Variants in DACH1 observed in about 807,000 individuals in gnomAD.
DACH1 encodes dachshund homolog 1.
In DACH1, 12 loss-of-function variants were observed where a neutral mutation model predicts 54.2. The observed-to-expected ratio is 0.22, with a 90% CI of 0.14 to 0.36. The LOEUF (loss-of-function observed/expected upper bound fraction) is 0.36. DACH1 is among the 10% of genes least tolerant of loss of function. The pLI, the probability that DACH1 is intolerant of heterozygous loss-of-function variation, is 1.00. For synonymous variants in DACH1, 386 were observed against 366.2 expected (o/e 1.05, Z -0.62); for missense variants, 805 against 929.8 (o/e 0.87, Z 1.75).
chr13:71,530,077 C>T (rs150400122), intron 6 of DACH1, among the ~76,000 whole-genome samples: 2 of 152,070 alleles, frequency 1.3e-5, no homozygotes, highest in East Asian at 3.9e-4. Context: ...GAAATAAACA[C>T]AAAATAATTG....
intron 1 of DACH1, among the ~76,000 whole-genome samples, chr13:71,832,654 A>G (rs772814441): frequency 6.6e-6 from 1 of 151,896 alleles, no homozygotes; most frequent in Non-Finnish European, 1.5e-5. Context: ...GTTATTATAG[A>G]AGAGGAACTT....
intron 6 of DACH1, among the ~76,000 whole-genome samples, chr13:71,518,005 T>C (rs1304998221): frequency 6.6e-6 from 1 of 151,864 alleles, no homozygotes; most frequent in Non-Finnish European, 1.5e-5. Flanking sequence ...TAACACCAAC[T>C]ACTCTACCTC....
At chr13:71,596,408 C>G (rs1398066831) in intron 3 of DACH1, among the ~76,000 whole-genome samples, 2 of 152,122 alleles carry the variant, frequency 1.3e-5, no homozygotes, top group African/African-American at 4.8e-5. Context: ...GATACCATGG[C>G]ATTTATACAC....
intron 2 of DACH1, among the ~76,000 whole-genome samples, chr13:71,662,850 T>C (rs1374676190): frequency 1.3e-5 from 2 of 151,978 alleles, no homozygotes; most frequent in African/African-American, 2.4e-5. Flanking sequence ...TAGTTTTCTC[T>C]TCCTCTTTGA....
intron 2 of DACH1, among the ~76,000 whole-genome samples, chr13:71,677,578 A>T (rs943548294): frequency 2.0e-5 from 3 of 152,044 alleles, no homozygotes; most frequent in Admixed American, 1.3e-4. Context: ...GGGAAAATAC[A>T]TTTTTTTTAA....
intron 8 of DACH1, among the ~76,000 whole-genome samples, chr13:71,477,800 G>A (rs771176793): frequency 6.6e-6 from 1 of 152,108 alleles, no homozygotes; most frequent in Non-Finnish European, 1.5e-5. Context: ...GGATCGTCAT[G>A]TTCTCTCTCT....
intron 5 of DACH1, among the ~76,000 whole-genome samples, chr13:71,559,061 C>A (rs1360904104): frequency 6.6e-6 from 1 of 151,998 alleles, no homozygotes; most frequent in Non-Finnish European, 1.5e-5. Flanking sequence ...AAGTTATTCT[C>A]TTTTAATATA....
chr13:71,589,404 G>T (rs1873527842), intron 3 of DACH1, among the ~76,000 whole-genome samples: 3 of 151,922 alleles, frequency 2.0e-5, no homozygotes, highest in Admixed American at 1.3e-4. Flanking sequence ...TATTTTTGTA[G>T]TTTTAAATAC....
intron 7 of DACH1, among the ~76,000 whole-genome samples, chr13:71,480,774 T>TAGTTTTACTTCAGTCTAC (rs1877962897): frequency 6.6e-6 from 1 of 152,304 alleles, no homozygotes; most frequent in African/African-American, 2.4e-5. Flanking sequence ...AATAGACAGA[T>TAGTTTTACTTCAGTCTAC]AGTTTTACTT....
intron 9 of DACH1, among the ~76,000 whole-genome samples, 159 bp from the exon 10 acceptor site, chr13:71,475,368 G>A (rs532136824): frequency 9.2e-5 from 14 of 152,222 alleles, no homozygotes; most frequent in East Asian, 3.9e-4. Context: ...AAGAATTTTC[G>A]GAAGATTTGA....
At chr13:71,464,913 T>C (rs1242033161) in intron 10 of DACH1, among the ~76,000 whole-genome samples, 1 of 152,010 alleles carries the variant, frequency 6.6e-6, no homozygotes, top group Non-Finnish European at 1.5e-5. Flanking sequence ...TGGACAAGGT[T>C]CAACTACTGG....
chr13:71,669,108 C>T lies in DACH1; in HGVS notation c.964+12687G>A, dbSNP rs796366150. Among the ~76,000 whole-genome samples, 37 of 152,236 alleles carry T rather than the reference C, an allele frequency of 2.4e-4. 1 individual carries two copies. Among genetic ancestry groups the T allele is most frequent in the African/African-American group, 8.7e-4 (36 of 41,550 alleles). ...AAATCATCATCATAAAACTCTGAAT[C>T]GGATGGCATCTTGCTATGTCACACT... is the stretch of plus-strand genomic sequence containing the variant. On this transcript the variant is annotated intron_variant, in intron 2 of 10. Coordinates refer to ENST00000613252, the MANE Select transcript of DACH1 (RefSeq NM_080759.6).
chr13:71,440,840 G>T, intron 10 of DACH1, 148 bp from the exon 11 acceptor site: 1 of 598,746 alleles, frequency 1.7e-6, no homozygotes, highest in Non-Finnish European at 2.9e-6. Flanking sequence ...TCTTCTCAAA[G>T]TTAAGTTAAT....
chr13:71,607,724 T>C (rs966481083), intron 3 of DACH1, among the ~76,000 whole-genome samples: 3 of 152,072 alleles, frequency 2.0e-5, no homozygotes, highest in African/African-American at 4.8e-5. Flanking sequence ...ACAAAGATTA[T>C]CATGAGCAAC....
At chr13:71,485,393 A>G (rs1878399872) in intron 7 of DACH1, among the ~76,000 whole-genome samples, 2 of 151,140 alleles carry the variant, frequency 1.3e-5, no homozygotes, top group Admixed American at 1.3e-4. Context: ...AAACACTCAA[A>G]TGTCAGGAAG....
intron 2 of DACH1, among the ~76,000 whole-genome samples, chr13:71,648,487 C>T (rs932043726): frequency 3.9e-5 from 6 of 152,036 alleles, no homozygotes; most frequent in African/African-American, 7.2e-5. Flanking sequence ...CAAGTTAGTG[C>T]CATTTTCTCC....
chr13:71,442,151 G>C (rs761080429), intron 10 of DACH1, among the ~76,000 whole-genome samples: 2 of 151,270 alleles, frequency 1.3e-5, no homozygotes. Context: ...CTATTTTTTT[G>C]AACCCATTAA....
At chr13:71,461,149 T>C (rs1336458503) in intron 10 of DACH1, among the ~76,000 whole-genome samples, 2 of 152,054 alleles carry the variant, frequency 1.3e-5, no homozygotes, top group East Asian at 3.8e-4. Context: ...ATAATTAGAA[T>C]TTACATAATA....
chr13:71,863,617 G>GA (rs1193693534), intron 1 of DACH1, among the ~76,000 whole-genome samples: 1 of 152,016 alleles, frequency 6.6e-6, no homozygotes, highest in African/African-American at 2.4e-5. Context: ...ACCTCAGGGG[G>GA]AAAAAACTTG....
Sources: allele counts gnomAD v4.1 joint callset (sites outside exome capture counted in the v4.1 genomes callset), GRCh38; gene constraint gnomAD v4.1.1; transcripts MANE v1.5; gene names NCBI Gene and HGNC (gene_info 2026-07-23, HGNC 2026-07-21).